Variants in SNCAIP observed in about 807,000 individuals in gnomAD.
SNCAIP encodes the protein synphilin-1.
Under a neutral mutation model 86.7 loss-of-function variants are expected in SNCAIP, and 43 were observed. The observed-to-expected ratio is 0.50, with a 90% CI of 0.39 to 0.64. SNCAIP has a LOEUF of 0.64. SNCAIP is among the 30% of genes least tolerant of loss of function. The pLI is 0.00. For synonymous variants in SNCAIP, 417 were observed against 427.2 expected, an observed-to-expected ratio of 0.98 and a Z score of 0.29; for missense variants, 981 against 1,103.1, an observed-to-expected ratio of 0.89 and a Z score of 1.57.
intron 1 of SNCAIP, among the ~76,000 whole-genome samples, chr5:122,390,848 TATCA>T (rs1479782015): frequency 2.0e-4 from 31 of 152,246 alleles, no homozygotes; most frequent in African/African-American, 7.5e-4. Context: ...AACAGGCACA[TATCA>T]AATAAAGCAA....
chr5:122,450,612 C>A lies in SNCAIP; in HGVS notation c.1765C>A (p.Pro589Thr). Residue 589 changes from proline (P) to threonine (T), a missense_variant, in exon 10 of 11, where the codon CCA becomes ACA. Coordinates refer to ENST00000261368, the MANE Select transcript of SNCAIP (RefSeq NM_005460.4). ...TGATGATTCTGTAGCCAAAAGCAAG[C>A]CAGGAGTCCAAGAGGGGATTCAGGT... ...ADDDSVAKSK[P>T]GVQEGIQVLG... The A allele has an allele frequency of 6.2e-7, 1 of 1,614,002 alleles. No individual in the cohort carries two copies.
At position 122,440,710 on chromosome 5, in the gene SNCAIP, G is replaced by A; in HGVS notation, c.1378G>A (p.Ala460Thr). The change falls in exon 7 of 11, where the codon GCC becomes ACC. Residue 460 changes from alanine to threonine, a missense_variant. Ala to Thr is a moderately conservative substitution (Grantham distance 58). Coordinates refer to ENST00000261368, the MANE Select transcript of SNCAIP (RefSeq NM_005460.4). ...LDEVDQDGNS[A>T]VHVASQHGYL... ...TGAAGTAGACCAGGATGGCAACAGT[G>A]CCGTTCACGTAGCCTCACAGCATGG... is the stretch of plus-strand genomic sequence containing the variant. The A allele has an allele frequency of 6.2e-7, 1 of 1,614,056 alleles. No individual in the cohort carries two copies. The highest frequency in any genetic ancestry group is 1.1e-5 in the South Asian group (1 of 91,082).
chr5:122,345,816 G>A (rs904165976), intron 1 of SNCAIP, among the ~76,000 whole-genome samples: 118 of 141,736 alleles, frequency 8.3e-4, no homozygotes, highest in African/African-American at 3.1e-3. Flanking sequence ...GTGTGCCACC[G>A]TGCCTGACAT....
intron 1 of SNCAIP, among the ~76,000 whole-genome samples, chr5:122,364,341 C>T (rs374396102): frequency 3.0e-4 from 45 of 152,316 alleles, no homozygotes; most frequent in East Asian, 1.9e-3. Context: ...TCTTAATAAA[C>T]GTGCTTTCAC....
chr5:122,390,439 C>G (rs1236069945), intron 1 of SNCAIP, among the ~76,000 whole-genome samples: 1 of 152,158 alleles, frequency 6.6e-6, no homozygotes, highest in Non-Finnish European at 1.5e-5. Flanking sequence ...GTTCCGGGGC[C>G]TGCATCAGGT....
At chr5:122,448,006 G>A (rs560016872) in intron 8 of SNCAIP, among the ~76,000 whole-genome samples, 1 of 152,208 alleles carries the variant, frequency 6.6e-6, no homozygotes, top group Non-Finnish European at 1.5e-5. Context: ...GTGATGAAAT[G>A]TTTGGACTAA....
intron 1 of SNCAIP, chr5:122,388,958 A>G (rs186304020): frequency 1.3e-5 from 2 of 152,358 alleles, no homozygotes; most frequent in African/African-American, 4.8e-5. Flanking sequence ...AAGACTTCCT[A>G]TAATGAGCTG....
At chr5:122,330,413 G>A (rs538742303) in intron 1 of SNCAIP, among the ~76,000 whole-genome samples, 3 of 152,094 alleles carry the variant, frequency 2.0e-5, no homozygotes, top group Non-Finnish European at 4.4e-5. Context: ...GAGCCACCGC[G>A]CCCGGCCTCA....
intron 1 of SNCAIP, among the ~76,000 whole-genome samples, chr5:122,374,801 T>C (rs1321030068): frequency 6.6e-6 from 1 of 152,176 alleles, no homozygotes; most frequent in Non-Finnish European, 1.5e-5. Flanking sequence ...GATATTGTGT[T>C]TAAAAAACAA....
intron 7 of SNCAIP, among the ~76,000 whole-genome samples, chr5:122,442,101 A>G (rs927404626): frequency 2.0e-5 from 3 of 148,676 alleles, no homozygotes; most frequent in Non-Finnish European, 4.4e-5. Flanking sequence ...TACCTTTAAG[A>G]AAGCAGTACT....
chr5:122,328,551 C>G (rs1288598135), intron 1 of SNCAIP, among the ~76,000 whole-genome samples: 1 of 152,176 alleles, frequency 6.6e-6, no homozygotes, highest in Non-Finnish European at 1.5e-5. Flanking sequence ...ATATTATTGT[C>G]TCCTTTCCAT....
At chr5:122,444,810 T>C in intron 8 of SNCAIP, 78 bp downstream of exon 8, 1 of 1,182,610 alleles carries the variant, frequency 8.5e-7, no homozygotes, top group East Asian at 2.3e-5. Flanking sequence ...CATGCTGTGC[T>C]GAGCACTCTT....
chr5:122,330,699 C>A (rs921785309), intron 1 of SNCAIP, among the ~76,000 whole-genome samples: 21 of 152,040 alleles, frequency 1.4e-4, no homozygotes, highest in Non-Finnish European at 3.1e-4. Flanking sequence ...AGTCCCTAAC[C>A]TTTTTGGCAC....
At position 122,423,055 on chromosome 5, in the gene SNCAIP, G is replaced by A; in HGVS notation, c.318G>A (p.Gln106=). 6.2e-7 allele frequency: 1 copy of A among 1,614,112 alleles called. No homozygotes were observed. Among genetic ancestry groups the A allele is most frequent in the Non-Finnish European group, 8.5e-7 (1 of 1,180,008 alleles). ...DQKNQKVVEY[Q]KGGESDLGPQ... ...AGAACCAGAAAGTGGTTGAGTACCA[G>A]AAAGGGGGTGAGTCTGACCTGGGCC... The change falls in exon 4 of 11, where the codon CAG becomes CAA. Residue 106 remains glutamine (Q), a synonymous_variant. Transcript: ENST00000261368.
intron 6 of SNCAIP, 55 bp from the exon 7 acceptor site, chr5:122,440,574 T>C: frequency 6.4e-7 from 1 of 1,564,092 alleles, no homozygotes; most frequent in Non-Finnish European, 8.8e-7. Context: ...TCTGTCTTTT[T>C]ATCTAACTTC....
chr5:122,403,910 T>C (rs1006082564), intron 3 of SNCAIP, 45 bp downstream of exon 3: 7 of 1,438,650 alleles, frequency 4.9e-6, no homozygotes, highest in Non-Finnish European at 6.9e-6. Context: ...GGCTCAGTGT[T>C]AATGGCTCCT....
intron 1 of SNCAIP, among the ~76,000 whole-genome samples, chr5:122,385,872 T>C (rs1016797417): frequency 6.6e-6 from 1 of 152,202 alleles, no homozygotes; most frequent in Non-Finnish European, 1.5e-5. Context: ...GGCCTCATAG[T>C]ATACTGGTAA....
chr5:122,448,690 TTA>T (rs565021998), intron 8 of SNCAIP, among the ~76,000 whole-genome samples: 7 of 135,168 alleles, frequency 5.2e-5, no homozygotes, highest in Non-Finnish European at 6.3e-5. Flanking sequence ...TATATATATA[TTA>T]TATATATTAT....
Position 122,410,241 on chromosome 5 carries a change from G to A in SNCAIP, c.130+6376G>A, listed in dbSNP as rs547423524. On this transcript the variant is annotated intron_variant, in intron 3 of 10. Coordinates refer to ENST00000261368, the MANE Select transcript of SNCAIP (RefSeq NM_005460.4). Reference sequence around the variant, plus strand: ...CACTTCTTTTGAGTATTTTTTCCCCGAGGCATATTTGTACGTATGGTTGTA... The same window carrying A: ...CACTTCTTTTGAGTATTTTTTCCCCAAGGCATATTTGTACGTATGGTTGTA... Among the ~76,000 whole-genome samples, 37 of 152,060 alleles carry A rather than the reference G, an allele frequency of 2.4e-4. No homozygotes were observed. The South Asian group carries it at 3.5e-3, about 15-fold the overall frequency.
Sources: gnomAD v4.1 joint callset for allele counts (sites outside exome capture counted in the v4.1 genomes callset) on GRCh38, gnomAD v4.1.1 for gene constraint, MANE v1.5 for transcripts, NCBI Gene and HGNC (gene_info 2026-07-23, HGNC 2026-07-21) for gene names.